The following GC variants were observed in gnomAD, a reference collection of about 807,000 sequenced individuals.
The protein encoded by GC is GC vitamin D binding protein, also known as vitamin D-binding protein.
Under a neutral mutation model 56.7 loss-of-function variants are expected in GC, and 43 were observed. The ratio of observed to expected loss-of-function variants is 0.76; its 90% CI spans 0.59 to 0.98. The LOEUF (loss-of-function observed/expected upper bound fraction) is 0.98, where lower values mean the gene tolerates loss of function less well. Among genes scored for constraint, GC ranks in the 50% least tolerant of loss-of-function variants. The pLI is 0.00. For synonymous variants in GC, 216 were observed against 202.7 expected, an observed-to-expected ratio of 1.07 and a Z score of -0.56; for missense variants, 529 against 545.9, an observed-to-expected ratio of 0.97 and a Z score of 0.31.
chr4:71,764,294 T>A (rs1742088186), intron 4 of GC, among the ~76,000 whole-genome samples: 1 of 152,150 alleles, frequency 6.6e-6, no homozygotes, highest in African/African-American at 2.4e-5. Flanking sequence ...CAAAACCTAC[T>A]TTTTAGTAAG....
upstream of GC, among the ~76,000 whole-genome samples, chr4:71,805,026 A>G (rs1250774194): frequency 1.3e-5 from 2 of 152,114 alleles, no homozygotes; most frequent in Non-Finnish European, 2.9e-5. Flanking sequence ...CCATAATGTT[A>G]AAGATGTTAC....
intron 11 of GC, 42 bp downstream of exon 11, chr4:71,752,475 TA>T (rs1741586906): frequency 6.4e-7 from 1 of 1,552,006 alleles, no homozygotes; most frequent in Non-Finnish European, 8.8e-7. Flanking sequence ...CATACGTTCT[TA>T]AAAGATTCTG....
intron 1 of GC, 45 bp downstream of exon 1, chr4:71,783,916 A>G (rs777518995): frequency 2.5e-5 from 35 of 1,421,174 alleles, no homozygotes; most frequent in Admixed American, 4.4e-5. Context: ...ATAAAATTAA[A>G]CTAGTAAGAA....
At chr4:71,742,467 A>G (rs1183280125) in intron 12 of GC, among the ~76,000 whole-genome samples, 2 of 152,158 alleles carry the variant, frequency 1.3e-5, no homozygotes, top group Non-Finnish European at 2.9e-5. Flanking sequence ...GCAATAAGGG[A>G]CACGAATCTG....
intron 11 of GC, among the ~76,000 whole-genome samples, chr4:71,747,904 G>A (rs1275223257): frequency 6.6e-6 from 1 of 152,144 alleles, no homozygotes; most frequent in Non-Finnish European, 1.5e-5. Flanking sequence ...AATTCACAGC[G>A]ATATTACCAA....
chr4:71,768,219 A>AT (rs1165432153), intron 3 of GC, 82 bp downstream of exon 3: 3 of 1,216,436 alleles, frequency 2.5e-6, no homozygotes, highest in Non-Finnish European at 3.4e-6. Flanking sequence ...GCTGTCTAAA[A>AT]TTTTTTCAAC....
chr4:71,756,724 T>C lies in GC; in HGVS notation c.1022A>G (p.Lys341Arg). The stretch of plus-strand genomic sequence containing the variant: ...CACCTCTACTTACTTATCCATGACT[T>C]TGGTGTTTCCTGGATCACACACATC... ...NKDVCDPGNT[K>R]VMDKYTFELS... Residue 341 changes from lysine (K) to arginine (R), a missense_variant, in exon 8 of 13, where the codon AAA becomes AGA. Transcript: ENST00000273951. 1 of 1,609,856 alleles carries C rather than the reference T, an allele frequency of 6.2e-7. No individual in the cohort carries two copies. The highest frequency in any genetic ancestry group is 8.5e-7 in the Non-Finnish European group (1 of 1,176,208).
chr4:71,757,361 T>C (rs954659573), intron 7 of GC, among the ~76,000 whole-genome samples: 5 of 152,176 alleles, frequency 3.3e-5, no homozygotes, highest in African/African-American at 1.2e-4. Context: ...AGACATGCAT[T>C]TTTAATGGAA....
Position 71,741,730 on chromosome 4 carries a change from C to A in GC, c.*166G>T. ...ATTATATTTCAATTTATTTTGATAG[C>A]AAATCATCATACTTGTCATTGTATG... On this transcript the variant is annotated 3_prime_UTR_variant, in exon 13 of 13. Transcript: ENST00000273951. 1 of 673,522 alleles carries A rather than the reference C, an allele frequency of 1.5e-6. No homozygotes were observed. Among genetic ancestry groups the A allele is most frequent in the East Asian group, 2.7e-5 (1 of 36,978 alleles). 41.7% of individuals were successfully genotyped at this position (673,522 alleles called of 1,614,324 possible).
chr4:71,754,916 A>T, intron 9 of GC, 62 bp downstream of exon 9: 1 of 1,230,530 alleles, frequency 8.1e-7, no homozygotes, highest in Non-Finnish European at 1.1e-6. Context: ...GTTTTGGCCC[A>T]TGAACTATAA....
At chr4:71,774,897 C>A (rs1019910363) in intron 1 of GC, among the ~76,000 whole-genome samples, 1 of 151,862 alleles carries the variant, frequency 6.6e-6, no homozygotes, top group Non-Finnish European at 1.5e-5. Flanking sequence ...TAGAGAATTA[C>A]TCTATTGAAA....
At chr4:71,767,678 T>C (rs185058705) in intron 3 of GC, among the ~76,000 whole-genome samples, 1 of 150,012 alleles carries the variant, frequency 6.7e-6, no homozygotes, top group Admixed American at 6.7e-5. Flanking sequence ...ATTTCAATAG[T>C]TTTGGGGGAA....
At chr4:71,800,531 G>A (rs1471224455) in intron 1 of GC, among the ~76,000 whole-genome samples, 1 of 152,106 alleles carries the variant, frequency 6.6e-6, no homozygotes, top group Non-Finnish European at 1.5e-5. Context: ...GAATAGTGCT[G>A]CAGTAAATAT....
intron 3 of GC, among the ~76,000 whole-genome samples, chr4:71,767,402 A>T: frequency 6.6e-6 from 1 of 152,052 alleles, no homozygotes; most frequent in East Asian, 1.9e-4. Flanking sequence ...TAATTTTTGC[A>T]TAAGTGCTAT....
rs1441794136 is a variant in GC at position 71,764,767 on chromosome 4, T to C, written c.473+665A>G. Among the ~76,000 whole-genome samples the C allele has an allele frequency of 3.3e-5, 5 of 152,204 alleles. No homozygotes were observed. In the East Asian group the frequency reaches 9.6e-4, roughly 29 times the overall value. ...TGAGCAATCCTACTAATTTTTACAA[T>C]TTGTGACCACTTTGAATGACATTGC... is the stretch of plus-strand genomic sequence containing the variant. On this transcript the variant is annotated intron_variant, in intron 4 of 12. Transcript: ENST00000273951.
At chr4:71,804,974 T>C (rs1282984806), upstream of GC, among the ~76,000 whole-genome samples, 1 of 152,086 alleles carries the variant, frequency 6.6e-6, no homozygotes, top group Non-Finnish European at 1.5e-5. Flanking sequence ...CTTCCCTGTT[T>C]AGGCTCTTCT....
chr4:71,797,552 T>C (rs916539841), intron 1 of GC, among the ~76,000 whole-genome samples: 2 of 151,752 alleles, frequency 1.3e-5, no homozygotes, highest in African/African-American at 4.8e-5. Flanking sequence ...GGAAAAGTCC[T>C]TTTTTTTCCA....
intron 1 of GC, among the ~76,000 whole-genome samples, chr4:71,790,304 AT>A (rs1443995193): frequency 6.6e-6 from 1 of 152,054 alleles, no homozygotes; most frequent in Non-Finnish European, 1.5e-5. Flanking sequence ...ACCTAATAAT[AT>A]AGCCATGACA....
At chr4:71,775,166 C>T (rs755235309) in intron 1 of GC, among the ~76,000 whole-genome samples, 4 of 151,476 alleles carry the variant, frequency 2.6e-5, no homozygotes, top group South Asian at 2.1e-4. Context: ...ACTCACTAGA[C>T]GTTTGCTAAT....
Sources: gnomAD v4.1 joint callset for allele counts (sites outside exome capture counted in the v4.1 genomes callset) on GRCh38, gnomAD v4.1.1 for gene constraint, MANE v1.5 for transcripts, NCBI Gene and HGNC (gene_info 2026-07-23, HGNC 2026-07-21) for gene names.